LPP: variants seen among roughly 807,000 people sequenced by gnomAD.
The protein encoded by LPP is LIM domain containing preferred translocation partner in lipoma, also known as lipoma-preferred partner.
A neutral mutation model predicts 60.4 loss-of-function variants in LPP; 38 were observed. That is an observed-to-expected ratio of 0.63 (90% confidence interval 0.49 to 0.83). The LOEUF (loss-of-function observed/expected upper bound fraction) is 0.83, where lower values mean the gene tolerates loss of function less well. Ranked by LOEUF, LPP falls within the 40% of genes least tolerant of loss-of-function variation. The pLI is 0.00. For missense variants in LPP, 902 were observed against 783.6 expected (o/e 1.15, Z -1.80); for synonymous variants, 328 against 290.8 (o/e 1.13, Z -1.30).
intron 7 of LPP, among the ~76,000 whole-genome samples, chr3:188,654,685 A>T (rs1852784842): frequency 6.6e-6 from 1 of 152,160 alleles, no homozygotes; most frequent in Non-Finnish European, 1.5e-5. Flanking sequence ...GTCCATCAAT[A>T]TTTCTCAGTC....
Position 188,298,084 on chromosome 3 carries a change from G to A in LPP, c.-66-43579G>A, listed in dbSNP as rs921416819. Among the ~76,000 whole-genome samples, 8 of 152,248 alleles carry A rather than the reference G, an allele frequency of 5.3e-5. No individual in the cohort carries two copies. In the East Asian group the frequency reaches 1.3e-3, roughly 26 times the overall value. The stretch of plus-strand genomic sequence containing the variant: ...GTTAATAAACTGAATATATTGTATA[G>A]ATTGGTTGATAGCCTTCCTGAAATG... On this transcript the variant is annotated intron_variant, in intron 2 of 11. Coordinates refer to ENST00000617246, the MANE Select transcript of LPP (RefSeq NM_001375462.1).
At chr3:188,475,006 C>G (rs535558041) in intron 4 of LPP, among the ~76,000 whole-genome samples, 1 of 152,164 alleles carries the variant, frequency 6.6e-6, no homozygotes, top group Non-Finnish European at 1.5e-5. Flanking sequence ...TAATTTCATA[C>G]GATTTGAAAT....
chr3:188,609,120 T>C lies in LPP; in HGVS notation c.430-41T>C. The stretch of plus-strand genomic sequence containing the variant: ...TTTTATTGAGTTTCGTTGGCAGTAA[T>C]TTTTGCTTTCTTTCTTTCTTTTTTT... On this transcript the variant is annotated intron_variant, in intron 6 of 11. Transcript: ENST00000617246. This position sits in a 1 kb window ranked among gnomAD's most constrained non-coding sequence, Gnocchi z 6.9. 7.0e-7 allele frequency: 1 copy of C among 1,431,608 alleles called. No homozygotes were observed. The allele number at this position is 1,431,608 out of a possible 1,614,324, so 88.7% of individuals were successfully genotyped here. A position where few individuals can be genotyped will look rare whatever the true frequency, so the allele number is the denominator to read the frequency against.
chr3:188,421,597 A>G (rs886961943), intron 4 of LPP, among the ~76,000 whole-genome samples: 5 of 152,208 alleles, frequency 3.3e-5, no homozygotes, highest in East Asian at 1.9e-4. Context: ...ACTGGGTTAT[A>G]TAATGATAGT....
intron 2 of LPP, among the ~76,000 whole-genome samples, chr3:188,252,155 C>T (rs1729991024): frequency 8.9e-6 from 1 of 112,580 alleles, no homozygotes; most frequent in African/African-American, 3.2e-5. Flanking sequence ...CCTGTAATGC[C>T]CCTTCTTCCC....
At chr3:188,522,315 A>G (rs1819095667) in intron 5 of LPP, among the ~76,000 whole-genome samples, 1 of 152,206 alleles carries the variant, frequency 6.6e-6, no homozygotes, top group African/African-American at 2.4e-5. Flanking sequence ...CAGCTTGATG[A>G]TACACACATA....
intron 1 of LPP, among the ~76,000 whole-genome samples, chr3:188,172,651 A>G (rs1412683768): frequency 6.6e-6 from 1 of 152,190 alleles, no homozygotes; most frequent in African/African-American, 2.4e-5. Context: ...GAATTTTCAT[A>G]TACTACTCAC....
intron 2 of LPP, among the ~76,000 whole-genome samples, chr3:188,318,926 T>C (rs1442608472): frequency 6.6e-6 from 1 of 150,730 alleles, no homozygotes; most frequent in African/African-American, 2.4e-5. Flanking sequence ...GCCCGGCTAA[T>C]TTTTTGTATT....
At chr3:188,794,459 C>A (rs1387371049) in intron 9 of LPP, among the ~76,000 whole-genome samples, 1 of 152,144 alleles carries the variant, frequency 6.6e-6, no homozygotes, top group Non-Finnish European at 1.5e-5. Flanking sequence ...ATTTAAGTGA[C>A]TCTCCTACCT....
chr3:188,672,169 A>G (rs1857080662), intron 7 of LPP, among the ~76,000 whole-genome samples: 1 of 152,126 alleles, frequency 6.6e-6, no homozygotes, highest in Non-Finnish European at 1.5e-5. Context: ...TGAGGAAGCT[A>G]TTTGCATTCC....
chr3:188,846,216 C>A (rs185834859), intron 9 of LPP, among the ~76,000 whole-genome samples: 15 of 152,142 alleles, frequency 9.9e-5, no homozygotes, highest in Non-Finnish European at 2.2e-4. Flanking sequence ...GGAGTATACC[C>A]GCAAAAGTTA....
Position 188,885,094 on chromosome 3 carries a change from C to T in LPP, c.*10615C>T, listed in dbSNP as rs541848509. 8.4e-5 allele frequency: 18 copies of T among 213,430 alleles called. No individual in the cohort carries two copies. The South Asian group carries it at 3.0e-3, about 36-fold the overall frequency. The allele number at this position is 213,430 out of a possible 1,614,324, so 13.2% of individuals were successfully genotyped here. A position where few individuals can be genotyped will look rare whatever the true frequency, so the allele number is the denominator to read the frequency against. On this transcript the variant is annotated 3_prime_UTR_variant, in exon 12 of 12. Coordinates refer to ENST00000617246, the MANE Select transcript of LPP (RefSeq NM_001375462.1). ...AGCAAGTGTTCCTTCTCTTGAGCTGCGTCCCTCAGGAAGCTGTACCTTTAG... is the reference window on the plus strand; with the variant it reads ...AGCAAGTGTTCCTTCTCTTGAGCTGTGTCCCTCAGGAAGCTGTACCTTTAG...
intron 5 of LPP, among the ~76,000 whole-genome samples, chr3:188,503,138 T>C (rs1028475667): frequency 6.6e-6 from 1 of 152,116 alleles, no homozygotes. Flanking sequence ...TTGTGTATAT[T>C]CTGTAGCTAT....
At chr3:188,461,371 A>G (rs988972832) in intron 4 of LPP, among the ~76,000 whole-genome samples, 3 of 152,232 alleles carry the variant, frequency 2.0e-5, no homozygotes, top group Non-Finnish European at 4.4e-5. Flanking sequence ...GACAAAAGAA[A>G]ATAGAAGCCA....
chr3:188,839,883 A>G (rs1170037429), intron 9 of LPP, among the ~76,000 whole-genome samples: 9 of 152,308 alleles, frequency 5.9e-5, no homozygotes, highest in African/African-American at 2.2e-4. Context: ...TCTCAAAAAT[A>G]AAATAAAATT....
At chr3:188,615,445 G>A (rs989454473) in intron 7 of LPP, among the ~76,000 whole-genome samples, 2 of 152,080 alleles carry the variant, frequency 1.3e-5, no homozygotes, top group African/African-American at 4.8e-5. Flanking sequence ...CTCTTTTACT[G>A]TACTGGAGTC....
intron 2 of LPP, among the ~76,000 whole-genome samples, chr3:188,315,865 G>A (rs187780931): frequency 1.5e-4 from 23 of 152,296 alleles, no homozygotes; most frequent in African/African-American, 5.5e-4. Context: ...GTAGGAATAA[G>A]AACATATTAG....
intron 6 of LPP, among the ~76,000 whole-genome samples, chr3:188,574,201 G>A (rs2150888447): frequency 6.6e-6 from 1 of 152,180 alleles, no homozygotes; most frequent in African/African-American, 2.4e-5. Flanking sequence ...TCACCTCTCT[G>A]TCTCTTTCTG....
chr3:188,530,283 T>C (rs1213353882), intron 6 of LPP, among the ~76,000 whole-genome samples: 2 of 152,238 alleles, frequency 1.3e-5, no homozygotes, highest in African/African-American at 4.8e-5. Flanking sequence ...GTAATGACTT[T>C]AGCTTACAGC....
Sources: gnomAD v4.1 joint callset for allele counts (sites outside exome capture counted in the v4.1 genomes callset) on GRCh38, gnomAD v4.1.1 for gene constraint, Gnocchi (gnomAD v3.1) non-coding constraint, MANE v1.5 for transcripts, NCBI Gene and HGNC (gene_info 2026-07-23, HGNC 2026-07-21) for gene names.